The following ANKRD17 variants were observed in gnomAD, a reference collection of about 807,000 sequenced individuals.
ANKRD17 encodes ankyrin repeat domain 17.
ANKRD17 carries 19 observed loss-of-function variants against 229.7 expected under a neutral mutation model. The ratio of observed to expected loss-of-function variants is 0.08; its 90% CI spans 0.06 to 0.12. The LOEUF (loss-of-function observed/expected upper bound fraction) is 0.12, where lower values mean the gene tolerates loss of function less well. Among genes scored for constraint, ANKRD17 ranks in the 10% least tolerant of loss-of-function variants. ANKRD17 has a pLI of 1.00. For missense variants in ANKRD17, 2,176 were observed against 3,176.8 expected (o/e 0.68, Z 7.57); for synonymous variants, 1,112 against 1,146.1 (o/e 0.97, Z 0.60).
At chr4:73,246,341 A>T (rs777083202) in intron 1 of ANKRD17, among the ~76,000 whole-genome samples, 14 of 152,186 alleles carry the variant, frequency 9.2e-5, no homozygotes, top group Non-Finnish European at 1.9e-4. Context: ...GGGTTGGGTG[A>T]AAAGAGGGAG....
intron 16 of ANKRD17, among the ~76,000 whole-genome samples, chr4:73,126,360 A>G (rs1403061376): frequency 6.6e-6 from 1 of 152,144 alleles, no homozygotes; most frequent in African/African-American, 2.4e-5. Context: ...CACCAGCCAG[A>G]GTAGAAAGAC....
intron 1 of ANKRD17, among the ~76,000 whole-genome samples, chr4:73,218,922 G>A (rs1369927490): frequency 1.3e-5 from 2 of 152,018 alleles, no homozygotes; most frequent in Non-Finnish European, 2.9e-5. Flanking sequence ...TTAGCTGGGT[G>A]TGGTGGCATG....
intron 1 of ANKRD17, among the ~76,000 whole-genome samples, chr4:73,188,187 G>C (rs1292993631): frequency 2.7e-5 from 4 of 149,782 alleles, no homozygotes; most frequent in African/African-American, 9.8e-5. Flanking sequence ...AATTTAAAAA[G>C]AAAAGGAAAA....
intron 1 of ANKRD17, among the ~76,000 whole-genome samples, chr4:73,242,942 C>CA (rs1744175500): frequency 6.6e-6 from 1 of 151,952 alleles, no homozygotes; most frequent in East Asian, 1.9e-4. Flanking sequence ...TCAGTTAAGG[C>CA]AAAAAACTAA....
intron 22 of ANKRD17, 74 bp downstream of exon 22, chr4:73,118,614 A>T: frequency 6.7e-7 from 1 of 1,494,378 alleles, no homozygotes; most frequent in Non-Finnish European, 9.2e-7. Flanking sequence ...ATGAGTCTTT[A>T]GTGATCACTA....
chr4:73,182,631 A>G (rs1023731794), intron 1 of ANKRD17, among the ~76,000 whole-genome samples: 1 of 152,212 alleles, frequency 6.6e-6, no homozygotes, highest in Non-Finnish European at 1.5e-5. Context: ...CATGCCCCCG[A>G]TTTATGCAAC....
At chr4:73,239,351 T>G (rs28635268) in intron 1 of ANKRD17, among the ~76,000 whole-genome samples, 2 of 152,144 alleles carry the variant, frequency 1.3e-5, no homozygotes, top group Admixed American at 6.5e-5. Context: ...AAAAGTCCAC[T>G]TCAGTATTGT....
At position 73,085,243 on chromosome 4, in the gene ANKRD17, A is replaced by G; in HGVS notation, c.7159+6T>C. 1 of 1,613,754 alleles carries G rather than the reference A, an allele frequency of 6.2e-7. No individual in the cohort carries two copies. The highest frequency in any genetic ancestry group is 1.3e-5 in the African/African-American group (1 of 75,008). On this transcript the variant is annotated splice_donor_region_variant and intron_variant, in intron 30 of 33. Transcript: ENST00000358602. ...TTCTTATGGAATTACGGTGTATAAA[A>G]CTCACCATTTGATGCTGATGAACAC...
intron 1 of ANKRD17, among the ~76,000 whole-genome samples, chr4:73,236,983 G>A (rs1743569008): frequency 1.3e-5 from 2 of 152,200 alleles, no homozygotes; most frequent in South Asian, 4.1e-4. Flanking sequence ...GAAATACAAA[G>A]GCATTGGGTT....
chr4:73,118,802 C>A lies in ANKRD17; in HGVS notation c.4074G>T (p.Trp1358Cys). 6.2e-7 allele frequency: 1 copy of A among 1,613,998 alleles called. No homozygotes were observed. Among genetic ancestry groups the A allele is most frequent in the Non-Finnish European group, 8.5e-7 (1 of 1,179,978 alleles). The change falls in exon 22 of 34, where the codon TGG (tryptophan) becomes TGT (cysteine). Residue 1358 changes from tryptophan to cysteine, a missense_variant. Coordinates refer to ENST00000358602, the MANE Select transcript of ANKRD17 (RefSeq NM_032217.5). ...CGAGGTGTCCACCATTTGCTGCTAG[C>A]CACAATGGAGTGTTCCCCTTCTTGT... ...VRNKKGNTPLWLAANGGHLDV... is the reference protein window; with the variant it reads ...VRNKKGNTPLCLAANGGHLDV...
intron 16 of ANKRD17, among the ~76,000 whole-genome samples, chr4:73,127,111 A>C (rs1425371904): frequency 6.6e-6 from 1 of 152,232 alleles, no homozygotes; most frequent in Non-Finnish European, 1.5e-5. Flanking sequence ...TCTAGATACA[A>C]ATTGAGTATT....
chr4:73,101,545 G>C (rs1284139891), intron 25 of ANKRD17, among the ~76,000 whole-genome samples: 1 of 151,596 alleles, frequency 6.6e-6, no homozygotes, highest in South Asian at 2.1e-4. Context: ...CGTCCCTGTA[G>C]TCCCAGCTAC....
rs972337323 is a variant in ANKRD17 at position 73,177,844 on chromosome 4, A to G, written c.394-311T>C. Among the ~76,000 whole-genome samples the G allele has an allele frequency of 2.0e-5, 3 of 152,150 alleles. No individual in the cohort carries two copies. In the South Asian group the frequency reaches 6.2e-4, roughly 32 times the overall value. On this transcript the variant is annotated intron_variant, in intron 1 of 33. Transcript: ENST00000358602. ...GGTTGAGTGTGATGCTTAGGTTGTG[A>G]AAACTTTAACTGTGAATAGAAGACC...
Position 73,258,531 on chromosome 4 carries a change from G to C in ANKRD17, c.138C>G (p.Arg46=), listed in dbSNP as rs751989298. The change falls in exon 1 of 34, where the codon CGC becomes CGG. Residue 46 remains arginine, a synonymous_variant. Coordinates refer to ENST00000358602, the MANE Select transcript of ANKRD17 (RefSeq NM_032217.5). ...GGGVGGSSRA[R]SASSPRGMVR... The stretch of plus-strand genomic sequence containing the variant: ...CCATCCCACGAGGAGACGAGGCCGA[G>C]CGAGCTCTGCTGCTGCCGCCAACGC... The C allele has an allele frequency of 6.5e-7, 1 of 1,528,912 alleles. No homozygotes were observed. Among genetic ancestry groups the C allele is most frequent in the Non-Finnish European group, 8.8e-7 (1 of 1,142,176 alleles). 94.7% of individuals were successfully genotyped at this position (1,528,912 alleles called of 1,614,324 possible). A position where few individuals can be genotyped will look rare whatever the true frequency, so the allele number is the denominator to read the frequency against.
intron 16 of ANKRD17, among the ~76,000 whole-genome samples, chr4:73,128,951 A>G (rs1727825774): frequency 3.9e-5 from 6 of 152,226 alleles, no homozygotes; most frequent in African/African-American, 9.6e-5. Context: ...ACTGCTAATC[A>G]TGGAAATAAT....
chr4:73,189,972 T>TA lies in ANKRD17; in HGVS notation c.394-12440dup, dbSNP rs548927049. 3.3e-3 allele frequency among the ~76,000 whole-genome samples: 505 copies of TA among 152,272 alleles called. 2 individuals are homozygous for TA. Among genetic ancestry groups the TA allele is most frequent in the Middle Eastern group, 0.01 (3 of 294 alleles). ...AATCACCACATTGAGGTATTACAGGTAAAAAAGAATATGTATCATCTCAAC... is the reference window on the plus strand; with the variant it reads ...AATCACCACATTGAGGTATTACAGGTAAAAAAAGAATATGTATCATCTCAAC... On this transcript the variant is annotated intron_variant, in intron 1 of 33. Transcript: ENST00000358602.
At chr4:73,186,955 C>G (rs1365332914) in intron 1 of ANKRD17, among the ~76,000 whole-genome samples, 1 of 140,486 alleles carries the variant, frequency 7.1e-6, no homozygotes, top group Non-Finnish European at 1.5e-5. Context: ...GGCTTTACAA[C>G]ACACACAGAT....
rs541898762 is a variant in ANKRD17 at position 73,095,052 on chromosome 4, T to G, written c.5178-824A>C. Reference sequence around the variant, plus strand: ...AGCCAGGCATGGTGGTGTGCACCTGTAATCCCAGCTACTCAGGAGGCTGAG... The same window carrying G: ...AGCCAGGCATGGTGGTGTGCACCTGGAATCCCAGCTACTCAGGAGGCTGAG... On this transcript the variant is annotated intron_variant, in intron 27 of 33. Transcript: ENST00000358602. Among the ~76,000 whole-genome samples the G allele has an allele frequency of 1.2e-3, 177 of 151,986 alleles. 1 individual carries two copies. Among genetic ancestry groups the G allele is most frequent in the African/African-American group, 3.9e-3 (163 of 41,482 alleles).
chr4:73,250,110 AC>A (rs1744853294), intron 1 of ANKRD17, among the ~76,000 whole-genome samples: 1 of 152,106 alleles, frequency 6.6e-6, no homozygotes, highest in South Asian at 2.1e-4. Flanking sequence ...CCTTAACTTC[AC>A]CCTACATTAT....
Sources: gnomAD v4.1 joint callset for allele counts (sites outside exome capture counted in the v4.1 genomes callset) on GRCh38, gnomAD v4.1.1 for gene constraint, MANE v1.5 for transcripts, NCBI Gene and HGNC (gene_info 2026-07-23, HGNC 2026-07-21) for gene names.